NTM: variants seen among roughly 807,000 people sequenced by gnomAD.
The protein encoded by NTM is neurotrimin, also known as IgLON family member 2.
Under a neutral mutation model 42.1 loss-of-function variants are expected in NTM, and 13 were observed. The observed-to-expected ratio is 0.31, with a 90% CI of 0.20 to 0.49. The LOEUF (loss-of-function observed/expected upper bound fraction) is 0.49, where lower values mean the gene tolerates loss of function less well. Ranked by LOEUF, NTM falls within the 20% of genes least tolerant of loss-of-function variation. The pLI, the probability that NTM is intolerant of heterozygous loss-of-function variation, is 0.99. For synonymous variants in NTM, 187 were observed against 179.2 expected, an observed-to-expected ratio of 1.04 and a Z score of -0.35; for missense variants, 373 against 452.8, an observed-to-expected ratio of 0.82 and a Z score of 1.60.
At chr11:132,212,203 CT>C (rs766008629) in intron 4 of NTM, 56 bp downstream of exon 4, 4 of 1,513,706 alleles carry the variant, frequency 2.6e-6, no homozygotes, top group Non-Finnish European at 3.6e-6. Flanking sequence ...AATTTTGGGC[CT>C]TTGGTAGGAG....
chr11:131,632,874 C>T (rs1013611957), intron 1 of NTM, among the ~76,000 whole-genome samples: 12 of 151,278 alleles, frequency 7.9e-5, no homozygotes, highest in South Asian at 6.3e-4. Flanking sequence ...GGGGTTTCAC[C>T]GTGTTAGCCA....
intron 1 of NTM, among the ~76,000 whole-genome samples, chr11:131,680,951 G>A (rs1204983087): frequency 1.5e-4 from 5 of 32,500 alleles, no homozygotes; most frequent in South Asian, 1.8e-3. Flanking sequence ...GTGTGTGAGC[G>A]TGTGTGTTTC....
intron 1 of NTM, among the ~76,000 whole-genome samples, chr11:131,685,568 C>T (rs748238636): frequency 1.3e-5 from 2 of 152,234 alleles, no homozygotes; most frequent in Non-Finnish European, 2.9e-5. Context: ...TTTCTGCTGG[C>T]AGTGCTCCGC....
chr11:131,714,255 CTT>C (rs2077458283), intron 1 of NTM, among the ~76,000 whole-genome samples: 1 of 152,092 alleles, frequency 6.6e-6, no homozygotes, highest in Non-Finnish European at 1.5e-5. Context: ...GTGGCGTGAT[CTT>C]GGCTCACTGC....
In NTM at chr11:131,416,292, G is replaced by A. The variant is rs571886356; in HGVS notation, c.82+45404G>A. Reference sequence around the variant, plus strand: ...CCTTTCTATGTTGGTAAGAAAACCAGGGGGAGAGAGGAACTAGAGGGTACG... The same window carrying A: ...CCTTTCTATGTTGGTAAGAAAACCAAGGGGAGAGAGGAACTAGAGGGTACG... On this transcript the variant is annotated intron_variant, in intron 1 of 8. Coordinates refer to ENST00000683400, the MANE Select transcript of NTM (RefSeq NM_001352005.2). Among the ~76,000 whole-genome samples, 33 of 152,114 alleles carry A rather than the reference G, an allele frequency of 2.2e-4. No homozygotes were observed. In the South Asian group the frequency reaches 6.9e-3, roughly 32 times the overall value.
At chr11:131,751,879 A>G (rs1382881377) in intron 1 of NTM, among the ~76,000 whole-genome samples, 2 of 151,934 alleles carry the variant, frequency 1.3e-5, no homozygotes, top group Non-Finnish European at 2.9e-5. Flanking sequence ...GGCCAAGATC[A>G]TATCTGTGAC....
rs184268237 is a variant in NTM, at chr11:131,976,710, C to T, written c.167+65062C>T. Among the ~76,000 whole-genome samples the T allele has an allele frequency of 3.5e-3, 527 of 152,250 alleles. 6 individuals are homozygous for T. Among genetic ancestry groups the T allele is most frequent in the South Asian group, 9.1e-3 (44 of 4,820 alleles). Reference sequence around the variant, plus strand: ...AGTTCTGAGATCCATAGGTCACGGACAGACTCAAGAATACAAAGTCTTCTT... The same window carrying T: ...AGTTCTGAGATCCATAGGTCACGGATAGACTCAAGAATACAAAGTCTTCTT... On this transcript the variant is annotated intron_variant, in intron 2 of 8. Coordinates refer to ENST00000683400, the MANE Select transcript of NTM (RefSeq NM_001352005.2).
chr11:131,752,974 T>C (rs964906141), intron 1 of NTM, among the ~76,000 whole-genome samples: 3 of 151,528 alleles, frequency 2.0e-5, no homozygotes, highest in Admixed American at 1.3e-4. Flanking sequence ...TGGGAGAAAA[T>C]TTTCTCAACC....
At chr11:132,322,294 C>G (rs2095587514) in intron 7 of NTM, among the ~76,000 whole-genome samples, 1 of 151,804 alleles carries the variant, frequency 6.6e-6, no homozygotes, top group Non-Finnish European at 1.5e-5. Flanking sequence ...ATCTCATGTG[C>G]AGAGACACAC....
chr11:131,751,144 T>C (rs1437626938), intron 1 of NTM, among the ~76,000 whole-genome samples: 2 of 152,300 alleles, frequency 1.3e-5, no homozygotes, highest in Non-Finnish European at 2.9e-5. Flanking sequence ...TTTTTTAAAT[T>C]ATACTTATGG....
At chr11:132,250,349 T>G (rs2091796221) in intron 4 of NTM, among the ~76,000 whole-genome samples, 1 of 152,244 alleles carries the variant, frequency 6.6e-6, no homozygotes, top group Non-Finnish European at 1.5e-5. Flanking sequence ...GATGCTGTGT[T>G]AGCTATAGAT....
intron 5 of NTM, 42 bp from the exon 6 acceptor site, chr11:132,310,070 A>G (rs765526583): frequency 1.3e-6 from 2 of 1,532,222 alleles, no homozygotes; most frequent in African/African-American, 2.8e-5. Context: ...AAAAAAAAAA[A>G]AAAAGGTGGG....
intron 1 of NTM, among the ~76,000 whole-genome samples, chr11:131,768,702 A>C (rs2085543603): frequency 6.6e-6 from 1 of 152,224 alleles, no homozygotes; most frequent in South Asian, 2.1e-4. Context: ...GTATCTTGTT[A>C]TAGCAACATG....
chr11:132,223,923 C>A (rs1490321811), intron 4 of NTM, among the ~76,000 whole-genome samples: 2 of 152,140 alleles, frequency 1.3e-5, no homozygotes, highest in Admixed American at 1.3e-4. Flanking sequence ...TCACAAGGAG[C>A]GTTGCAGTCA....
At chr11:132,064,668 C>A (rs1009930484) in intron 2 of NTM, among the ~76,000 whole-genome samples, 1 of 152,140 alleles carries the variant, frequency 6.6e-6, no homozygotes, top group Non-Finnish European at 1.5e-5. Flanking sequence ...AGGAAACAAA[C>A]CTGAAAATAG....
At chr11:131,873,654 C>CACAT (rs2048117948) in intron 1 of NTM, among the ~76,000 whole-genome samples, 1 of 94,832 alleles carries the variant, frequency 1.1e-5, no homozygotes, top group African/African-American at 5.3e-5. Context: ...TATATACACA[C>CACAT]ATATATATAC....
intron 1 of NTM, among the ~76,000 whole-genome samples, chr11:131,513,583 G>C (rs1202600361): frequency 6.6e-6 from 1 of 152,238 alleles, no homozygotes. Context: ...TCCACTGTCA[G>C]ATACAGGGAA....
At chr11:131,510,843 C>T (rs2048140607) in intron 1 of NTM, among the ~76,000 whole-genome samples, 1 of 151,804 alleles carries the variant, frequency 6.6e-6, no homozygotes, top group South Asian at 2.1e-4. Context: ...TCTGCCCCGT[C>T]CTGGCTTGGG....
At chr11:131,590,910 C>G (rs2059307927) in intron 1 of NTM, among the ~76,000 whole-genome samples, 1 of 152,110 alleles carries the variant, frequency 6.6e-6, no homozygotes, top group South Asian at 2.1e-4. Flanking sequence ...GAGTGGATAC[C>G]CAGTCATCAT....
Sources: gnomAD v4.1 joint callset for allele counts (sites outside exome capture counted in the v4.1 genomes callset) on GRCh38, gnomAD v4.1.1 for gene constraint, MANE v1.5 for transcripts, NCBI Gene and HGNC (gene_info 2026-07-23, HGNC 2026-07-21) for gene names.